CDH13: variants seen among roughly 807,000 people sequenced by gnomAD.
CDH13 encodes the protein cadherin 13.
CDH13 carries 24 observed loss-of-function variants against 63.8 expected under a neutral mutation model. The ratio of observed to expected loss-of-function variants is 0.38; its 90% confidence interval spans 0.27 to 0.53. CDH13 has a LOEUF of 0.53. CDH13 is among the 20% of genes least tolerant of loss of function. The pLI is 0.85. For synonymous variants in CDH13, 503 were observed against 355.3 expected, an observed-to-expected ratio of 1.42 and a Z score of -4.67; for missense variants, 1,049 against 903.1, an observed-to-expected ratio of 1.16 and a Z score of -2.07.
intron 6 of CDH13, among the ~76,000 whole-genome samples, chr16:83,464,586 C>T (rs1037646916): frequency 2.6e-5 from 4 of 152,096 alleles, no homozygotes; most frequent in African/African-American, 9.7e-5. Flanking sequence ...TCTTGAACTC[C>T]TGACCTCAGG....
At chr16:82,952,650 C>T (rs759181446) in intron 2 of CDH13, among the ~76,000 whole-genome samples, 1 of 152,180 alleles carries the variant, frequency 6.6e-6, no homozygotes, top group Non-Finnish European at 1.5e-5. Context: ...TCAGATGATT[C>T]AATTCTCATA....
At chr16:82,968,944 A>T (rs1328447482) in intron 2 of CDH13, among the ~76,000 whole-genome samples, 2 of 151,810 alleles carry the variant, frequency 1.3e-5, no homozygotes, top group East Asian at 3.9e-4. Flanking sequence ...ACATGGAAAA[A>T]CCCCATCTCT....
chr16:82,858,282 A>G (rs1403965440), intron 1 of CDH13, 80 bp from the exon 2 acceptor site: 15 of 846,146 alleles, frequency 1.8e-5, no homozygotes, highest in Non-Finnish European at 2.1e-5. Context: ...GCTTGTTTCT[A>G]AAAGTTGCGG....
At position 82,841,637 on chromosome 16, in the gene CDH13, T is replaced by A. The variant is rs566632400; in HGVS notation, c.46-16725T>A. On this transcript the variant is annotated intron_variant, in intron 1 of 13. Coordinates refer to ENST00000567109, the MANE Select transcript of CDH13 (RefSeq NM_001257.5). ...ATTTTGTTCCATTACTGGAAGGGTT[T>A]TCCAGGCTGTTTTAACTCATACATA... is the stretch of plus-strand genomic sequence containing the variant. Among the ~76,000 whole-genome samples, 83 of 152,276 alleles carry A rather than the reference T, an allele frequency of 5.5e-4. No homozygotes were observed. In the South Asian group the frequency reaches 0.013, roughly 24 times the overall value.
chr16:82,931,819 G>C (rs984600060), intron 2 of CDH13, among the ~76,000 whole-genome samples: 4 of 152,124 alleles, frequency 2.6e-5, no homozygotes, highest in African/African-American at 9.7e-5. Context: ...CCATCCCCAT[G>C]ATTCATTATT....
At chr16:83,599,726 G>T (rs1300587873) in intron 7 of CDH13, among the ~76,000 whole-genome samples, 2 of 152,102 alleles carry the variant, frequency 1.3e-5, no homozygotes, top group Non-Finnish European at 2.9e-5. Context: ...TATTATATGT[G>T]AAAAATAATA....
chr16:83,163,811 A>T (rs7193336), intron 4 of CDH13, among the ~76,000 whole-genome samples: 33,130 of 151,996 alleles, frequency 0.22, 5,001 homozygotes, highest in African/African-American at 0.43. Flanking sequence ...ACCTTTGTTG[A>T]GTTAAGGCTC....
At chr16:83,375,296 GC>G (rs1215243596) in intron 6 of CDH13, among the ~76,000 whole-genome samples, 1 of 152,172 alleles carries the variant, frequency 6.6e-6, no homozygotes, top group Non-Finnish European at 1.5e-5. Context: ...AAGTGCTGAG[GC>G]CCCCTTGGGC....
At chr16:83,553,370 C>G (rs2075544287) in intron 7 of CDH13, among the ~76,000 whole-genome samples, 1 of 152,152 alleles carries the variant, frequency 6.6e-6, no homozygotes, top group Non-Finnish European at 1.5e-5. Context: ...CATCTGTAAT[C>G]CCATCAACCA....
At chr16:83,529,302 C>G (rs546139385) in intron 7 of CDH13, among the ~76,000 whole-genome samples, 15 of 152,090 alleles carry the variant, frequency 9.9e-5, no homozygotes, top group Admixed American at 2.6e-4. Context: ...TATTAACAGG[C>G]TTTGTCTTTT....
chr16:83,776,197 T>C (rs566725621), intron 11 of CDH13, among the ~76,000 whole-genome samples: 3 of 152,342 alleles, frequency 2.0e-5, no homozygotes, highest in Admixed American at 1.3e-4. Context: ...AAAAGGCCAA[T>C]TCTTATGGCC....
intron 1 of CDH13, among the ~76,000 whole-genome samples, chr16:82,751,501 G>A (rs541951181): frequency 4.2e-4 from 64 of 152,034 alleles, no homozygotes; most frequent in Non-Finnish European, 8.2e-4. Flanking sequence ...GCACCTCATT[G>A]CAACTAGCAT....
intron 6 of CDH13, among the ~76,000 whole-genome samples, chr16:83,398,704 C>T (rs1225459539): frequency 6.6e-6 from 1 of 152,082 alleles, no homozygotes; most frequent in African/African-American, 2.4e-5. Context: ...AAAAGTTGCT[C>T]AGAGGTTGGA....
chr16:83,525,107 T>C (rs1177689556), intron 7 of CDH13, among the ~76,000 whole-genome samples: 1 of 152,172 alleles, frequency 6.6e-6, no homozygotes. Context: ...AACCTCTCTC[T>C]CCCGGTGTCC....
intron 5 of CDH13, among the ~76,000 whole-genome samples, chr16:83,272,434 C>T (rs550051898): frequency 1.7e-4 from 26 of 152,350 alleles, no homozygotes; most frequent in African/African-American, 5.5e-4. Flanking sequence ...ACATATCGTA[C>T]TGCAGTTAGC....
chr16:82,698,253 A>C (rs1481971331), intron 1 of CDH13, among the ~76,000 whole-genome samples: 5 of 152,218 alleles, frequency 3.3e-5, no homozygotes, highest in Admixed American at 2.6e-4. Context: ...GAGTCTTTGC[A>C]TGTCAAGCAT....
chr16:82,881,074 C>G (rs893930935), intron 2 of CDH13, among the ~76,000 whole-genome samples: 1 of 152,138 alleles, frequency 6.6e-6, no homozygotes, highest in Non-Finnish European at 1.5e-5. Flanking sequence ...TTATAACATT[C>G]ATTTTCAGTG....
intron 6 of CDH13, among the ~76,000 whole-genome samples, chr16:83,370,331 T>C (rs1036937760): frequency 2.7e-5 from 4 of 147,676 alleles, no homozygotes; most frequent in African/African-American, 1.0e-4. Context: ...GAGCTTGCAG[T>C]GAGCCAAGGC....
chr16:83,097,011 C>G (rs965980166), intron 3 of CDH13, among the ~76,000 whole-genome samples: 1 of 152,012 alleles, frequency 6.6e-6, no homozygotes, highest in African/African-American at 2.4e-5. Flanking sequence ...TTGAGTGTAC[C>G]TCTGGAGAAA....
Sources: allele counts gnomAD v4.1 joint callset (sites outside exome capture counted in the v4.1 genomes callset), GRCh38; gene constraint gnomAD v4.1.1; transcripts MANE v1.5; gene names NCBI Gene and HGNC (gene_info 2026-07-23, HGNC 2026-07-21).